Variants in HUWE1 observed in about 807,000 individuals in gnomAD.
The protein encoded by HUWE1 is HECT, UBA and WWE domain containing E3 ubiquitin protein ligase 1, also known as E3 ubiquitin-protein ligase HUWE1.
A neutral mutation model predicts 299.4 loss-of-function variants in HUWE1; 18 were observed. The ratio of observed to expected loss-of-function variants is 0.06; its 90% CI spans 0.04 to 0.09. The LOEUF is 0.09. HUWE1 is among the 10% of genes least tolerant of loss of function. HUWE1 has a pLI of 1.00. For synonymous variants in HUWE1, 1,317 were observed against 1,286.1 expected, an observed-to-expected ratio of 1.02 and a Z score of -0.51; for missense variants, 1,832 against 3,462.3, an observed-to-expected ratio of 0.53 and a Z score of 11.82.
chrX:53,538,611 G>GT, intron 76 of HUWE1, 157 bp from the exon 77 acceptor site: 1 of 548,744 alleles, frequency 1.8e-6, no homozygotes, highest in South Asian at 2.7e-5. Flanking sequence ...AGGTGTGAAC[G>GT]TGAATCTGAG....
At chrX:53,591,981 C>CTTT (rs2064187194) in intron 33 of HUWE1, among the ~76,000 whole-genome samples, 1 of 111,939 alleles carries the variant, frequency 8.9e-6, no homozygotes, top group Non-Finnish European at 1.9e-5. Context: ...TTTCTGGCCT[C>CTTT]CCAATTTTTA....
chrX:53,644,202 CAG>C (rs1557033664), intron 7 of HUWE1, among the ~76,000 whole-genome samples: 1 of 112,316 alleles, frequency 8.9e-6, no homozygotes, highest in African/African-American at 3.2e-5. Flanking sequence ...ATGTAAATGA[CAG>C]AAGTTAATGT....
chrX:53,538,899 C>T lies in HUWE1; in HGVS notation c.11814G>A (p.Glu3938=), dbSNP rs2061212768. 2 of 1,204,306 alleles carry T rather than the reference C, an allele frequency of 1.7e-6. No individual in the cohort carries two copies. The highest frequency in any genetic ancestry group is 2.2e-5 in the Admixed American group (1 of 45,282). ...PSSLDPFFSR[E]PSSMHISSSL... ...TTGAGGAGATGTGCATAGATGAGGG[C>T]TCCCGGGAGAAGAATGGGTCAAGGG... is the stretch of plus-strand genomic sequence containing the variant. The change falls in exon 76 of 84, where the codon GAG becomes GAA. Residue 3938 remains glutamate (E), a synonymous_variant. Coordinates refer to ENST00000262854, the MANE Select transcript of HUWE1 (RefSeq NM_031407.7).
chrX:53,658,398 G>A (rs1023585605), intron 3 of HUWE1, among the ~76,000 whole-genome samples: 3 of 111,377 alleles, frequency 2.7e-5, no homozygotes, highest in South Asian at 3.8e-4. Context: ...AAAGATCCAC[G>A]ATAGCCAACA....
In HUWE1 at chrX:53,542,439, T is replaced by C. The variant is rs782690342; in HGVS notation, c.11476+4A>G. 3 of 1,147,011 alleles carry C rather than the reference T, an allele frequency of 2.6e-6. No individual in the cohort carries two copies. In the East Asian group the frequency reaches 8.9e-5, roughly 34 times the overall value. The allele number at this position is 1,147,011 out of a possible 1,213,427, so 94.5% of individuals were successfully genotyped here. A position where few individuals can be genotyped will look rare whatever the true frequency, so the allele number is the denominator to read the frequency against. On this transcript the variant is annotated splice_donor_region_variant and intron_variant, in intron 74 of 83. Coordinates refer to ENST00000262854, the MANE Select transcript of HUWE1 (RefSeq NM_031407.7). ...CTCGGCTGGAAACAGGAAGTAGTAC[T>C]GACCAATGGATTGAGTATCTTGAGC...
chrX:53,556,427 T>C, intron 60 of HUWE1: 2 of 327,055 alleles, frequency 6.1e-6, no homozygotes, highest in East Asian at 1.0e-4. Flanking sequence ...TACCAAGGCA[T>C]CTACCCTACT....
In HUWE1 at chrX:53,648,319, A is replaced by G; in HGVS notation, c.46-9T>C. The G allele has an allele frequency of 9.1e-7, 1 of 1,094,132 alleles. No homozygotes were observed. Among genetic ancestry groups the G allele is most frequent in the Non-Finnish European group, 1.3e-6 (1 of 790,215 alleles). The allele number at this position is 1,094,132 out of a possible 1,213,427, so 90.2% of individuals were successfully genotyped here. ...GCTCTGCAGTCTGCAGGCTGAGAAA[A>G]GAAAAGTATTCACAAAAGATGTTTT... is the stretch of plus-strand genomic sequence containing the variant. On this transcript the variant is annotated splice_polypyrimidine_tract_variant and intron_variant, in intron 4 of 83. Coordinates refer to ENST00000262854, the MANE Select transcript of HUWE1 (RefSeq NM_031407.7).
intron 7 of HUWE1, among the ~76,000 whole-genome samples, chrX:53,644,046 ACTCCTGGGCTCAAG>A (rs1557033460): frequency 1.8e-5 from 2 of 110,967 alleles, no homozygotes; most frequent in African/African-American, 6.6e-5. Context: ...CTGGTCTCAA[ACTCCTGGGCTCAAG>A]CGATTTGCCT....
intron 40 of HUWE1, among the ~76,000 whole-genome samples, chrX:53,584,792 G>C (rs1044814364): frequency 6.3e-5 from 7 of 111,873 alleles, no homozygotes; most frequent in African/African-American, 2.3e-4. Context: ...TTTTGATAAA[G>C]TTTACAGTAG....
Position 53,564,838 on chromosome X carries a change from G to T in HUWE1, c.6881-116C>A, listed in dbSNP as rs188111367. On this transcript the variant is annotated intron_variant, in intron 50 of 83. Coordinates refer to ENST00000262854, the MANE Select transcript of HUWE1 (RefSeq NM_031407.7). Reference sequence around the variant, plus strand: ...TTGGGCAAGTTTGTAAGTTCTCAGAGAATAAACGAATGGGTGACAAAGGAA... The same window carrying T: ...TTGGGCAAGTTTGTAAGTTCTCAGATAATAAACGAATGGGTGACAAAGGAA... 22 of 956,468 alleles carry T rather than the reference G, an allele frequency of 2.3e-5. No individual in the cohort carries two copies. The Middle Eastern group carries it at 8.0e-4, about 35-fold the overall frequency. The allele number at this position is 956,468 out of a possible 1,213,427, so 78.8% of individuals were successfully genotyped here. A position where few individuals can be genotyped will look rare whatever the true frequency, so the allele number is the denominator to read the frequency against.
intron 4 of HUWE1, among the ~76,000 whole-genome samples, chrX:53,651,604 T>C (rs1557040230): frequency 9.0e-6 from 1 of 111,553 alleles, no homozygotes; most frequent in African/African-American, 3.3e-5. Flanking sequence ...TGTATTGTTC[T>C]TTTTTATTGT....
chrX:53,650,106 AC>A (rs1346877915), intron 4 of HUWE1, among the ~76,000 whole-genome samples: 1 of 111,928 alleles, frequency 8.9e-6, no homozygotes, highest in Non-Finnish European at 1.9e-5. Context: ...CATAGCCTGG[AC>A]CTTTTGCAGA....
chrX:53,554,399 A>G (rs2147388404), intron 61 of HUWE1, among the ~76,000 whole-genome samples: 1 of 110,954 alleles, frequency 9.0e-6, no homozygotes, highest in African/African-American at 3.3e-5. Flanking sequence ...GCCCAGAAAC[A>G]GAGTAATTGC....
chrX:53,559,668 C>G, intron 56 of HUWE1, 136 bp from the exon 57 acceptor site: 1 of 582,061 alleles, frequency 1.7e-6, no homozygotes, highest in Non-Finnish European at 2.8e-6. Flanking sequence ...GCACACAAGT[C>G]TAAGTTATTT....
Position 53,540,925 on chromosome X carries a change from C to T in HUWE1, c.11477-1113G>A, listed in dbSNP as rs782821090. ...GACTATTCTTCAAGGTTCTGACAGC[C>T]TTAGGTTTGAATCCTGGCTCCGGTA... On this transcript the variant is annotated intron_variant, in intron 74 of 83. Transcript: ENST00000262854. Among the ~76,000 whole-genome samples the T allele has an allele frequency of 2.0e-4, 22 of 111,674 alleles. No homozygotes were observed. The East Asian group carries it at 5.9e-3, about 30-fold the overall frequency.
At chrX:53,594,675 G>C (rs1569479365) in intron 30 of HUWE1, 54 bp from the exon 31 acceptor site, 1 of 1,166,009 alleles carries the variant, frequency 8.6e-7, no homozygotes, top group East Asian at 3.0e-5. Context: ...AGAGACAGAA[G>C]CAATAGGAAA....
intron 49 of HUWE1, 97 bp from the exon 50 acceptor site, chrX:53,565,336 G>T (rs1184307823): frequency 1.3e-6 from 1 of 785,736 alleles, no homozygotes; most frequent in East Asian, 3.5e-5. Context: ...AATCTACTAA[G>T]AGAAAAGGGG....
chrX:53,632,224 T>C (rs1603212291), intron 9 of HUWE1, among the ~76,000 whole-genome samples: 1 of 111,982 alleles, frequency 8.9e-6, no homozygotes, highest in Admixed American at 9.5e-5. Flanking sequence ...TCTCAGAGAC[T>C]GTGGGAAAAG....
chrX:53,660,979 A>G (rs1557045155), intron 3 of HUWE1, among the ~76,000 whole-genome samples: 1 of 111,376 alleles, frequency 9.0e-6, no homozygotes. Flanking sequence ...TGTTAGCACC[A>G]AGATCTAAAT....
Sources: gnomAD v4.1 joint callset for allele counts (sites outside exome capture counted in the v4.1 genomes callset) on GRCh38, gnomAD v4.1.1 for gene constraint, MANE v1.5 for transcripts, NCBI Gene and HGNC (gene_info 2026-07-23, HGNC 2026-07-21) for gene names.